LCOR: variants seen among roughly 807,000 people sequenced by gnomAD.
The protein encoded by LCOR is ligand-dependent corepressor.
LCOR carries 14 observed loss-of-function variants against 64.4 expected under a neutral mutation model. The ratio of observed to expected loss-of-function variants is 0.22; its 90% confidence interval spans 0.14 to 0.34. The LOEUF (loss-of-function observed/expected upper bound fraction) is 0.34. Ranked by LOEUF, LCOR falls within the 10% of genes least tolerant of loss-of-function variation. LCOR has a pLI of 1.00. For synonymous variants in LCOR, 643 were observed against 642.5 expected, an observed-to-expected ratio of 1.00 and a Z score of -0.01; for missense variants, 1,686 against 1,765.3, an observed-to-expected ratio of 0.96 and a Z score of 0.80.
rs754556505 is a variant in LCOR, at chr10:96,858,404, A to C, written c.-330+24925A>C. On this transcript the variant is annotated intron_variant, in intron 2 of 7. Transcript: ENST00000421806. Reference sequence around the variant, plus strand: ...GAGGTGGCCAGCAGGCAGAAAAAGAAGACCTTTAGATTGTGAGTATAAAAT... The same window carrying C: ...GAGGTGGCCAGCAGGCAGAAAAAGACGACCTTTAGATTGTGAGTATAAAAT... Among the ~76,000 whole-genome samples, 29 of 152,228 alleles carry C rather than the reference A, an allele frequency of 1.9e-4. 1 individual carries two copies. The highest frequency in any genetic ancestry group is 3.7e-4 in the Non-Finnish European group (25 of 68,044).
intron 2 of LCOR, among the ~76,000 whole-genome samples, chr10:96,889,926 G>A (rs1475284528): frequency 6.6e-6 from 1 of 152,058 alleles, no homozygotes; most frequent in Non-Finnish European, 1.5e-5. Context: ...TATATACTTA[G>A]GAGTGGAATG....
intron 2 of LCOR, among the ~76,000 whole-genome samples, chr10:96,837,857 T>C (rs1036182343): frequency 2.0e-5 from 3 of 152,244 alleles, no homozygotes; most frequent in Non-Finnish European, 2.9e-5. Context: ...TTTGTTTCGA[T>C]GTGCCTCTGA....
rs565238155 is a variant in LCOR, at chr10:96,980,670, G to C, written c.333-123G>C. ...GAGATCAGCCTGGCCAACATAGCGA[G>C]ACCCTGTATCTACAAAAAATAAATA... is the stretch of plus-strand genomic sequence containing the variant. On this transcript the variant is annotated intron_variant, in intron 7 of 7. Coordinates refer to ENST00000421806, the MANE Select transcript of LCOR (RefSeq NM_001346516.2). 3 of 585,430 alleles carry C rather than the reference G, an allele frequency of 5.1e-6. No individual in the cohort carries two copies. In the African/African-American group the frequency reaches 5.6e-5, roughly 11 times the overall value. 36.3% of individuals were successfully genotyped at this position (585,430 alleles called of 1,614,324 possible). A position where few individuals can be genotyped will look rare whatever the true frequency, so the allele number is the denominator to read the frequency against.
At position 96,983,236 on chromosome 10, in the gene LCOR, G is replaced by A. The variant is rs374660964; in HGVS notation, c.2776G>A (p.Glu926Lys). 31 of 1,614,054 alleles carry A rather than the reference G, an allele frequency of 1.9e-5. No individual in the cohort carries two copies. Among genetic ancestry groups the A allele is most frequent in the African/African-American group, 8.0e-5 (6 of 74,916 alleles). The change falls in exon 8 of 8, where the codon GAG (glutamate) becomes AAG (lysine). Residue 926 changes from glutamate to lysine, a missense_variant. Coordinates refer to ENST00000421806, the MANE Select transcript of LCOR (RefSeq NM_001346516.2). This position sits in a 1 kb window ranked among gnomAD's most constrained non-coding sequence, Gnocchi z 4.5. Reference sequence around the variant, plus strand: ...CAAAGAAGTCAAGGAGTTACGAGGAGAGATTTTCCCCAGCAGGGACCCCAT... The same window carrying A: ...CAAAGAAGTCAAGGAGTTACGAGGAAAGATTTTCCCCAGCAGGGACCCCAT... The part of the protein sequence containing the change: ...LDKEVKELRG[E>K]IFPSRDPITT...
At position 96,952,124 on chromosome 10, in the gene LCOR, C is replaced by A. The variant is rs1847690688; in HGVS notation, c.260C>A (p.Thr87Asn). ...GCAGACGGTGTACTTGATCTGTCCA[C>A]TAAGAAAAGTCCATGTGCTGGCAGC... ...SEQDGVLDLS[T>N]KKSPCAGSTS... Residue 87 changes from threonine to asparagine, a missense_variant, in exon 7 of 8, where the codon ACT becomes AAT. This residue lies in a region of LCOR where 80 missense variants were observed against 107.7 expected (regional missense o/e 0.74). Coordinates refer to ENST00000421806, the MANE Select transcript of LCOR (RefSeq NM_001346516.2). 4.3e-6 allele frequency: 7 copies of A among 1,613,956 alleles called. No individual in the cohort carries two copies. The highest frequency in any genetic ancestry group is 5.9e-6 in the Non-Finnish European group (7 of 1,179,866).
At chr10:96,839,036 T>C (rs945654369) in intron 2 of LCOR, among the ~76,000 whole-genome samples, 2 of 152,212 alleles carry the variant, frequency 1.3e-5, no homozygotes, top group African/African-American at 2.4e-5. Flanking sequence ...TATGAAGTCG[T>C]ATTTCAAAAA....
chr10:96,934,116 A>G (rs926845014), intron 4 of LCOR, among the ~76,000 whole-genome samples: 3 of 152,270 alleles, frequency 2.0e-5, no homozygotes, highest in African/African-American at 7.2e-5. Context: ...TAGGAAAATA[A>G]TAAAGTTATC....
chr10:96,895,906 G>A (rs1033947668), intron 2 of LCOR, among the ~76,000 whole-genome samples: 6 of 152,144 alleles, frequency 3.9e-5, no homozygotes, highest in African/African-American at 1.4e-4. Context: ...AACATAGCAA[G>A]ACTCTGTCTG....
chr10:96,846,040 C>G (rs1485378785), intron 2 of LCOR, among the ~76,000 whole-genome samples: 1 of 151,982 alleles, frequency 6.6e-6, no homozygotes, highest in Admixed American at 6.6e-5. Flanking sequence ...AACCCCATCT[C>G]TACTGAAAAT....
chr10:96,936,980 A>C (rs1247590137), intron 4 of LCOR, among the ~76,000 whole-genome samples: 1 of 152,246 alleles, frequency 6.6e-6, no homozygotes, highest in Non-Finnish European at 1.5e-5. Flanking sequence ...TTTTCTCAAA[A>C]TATTTTATTG....
intron 7 of LCOR, among the ~76,000 whole-genome samples, chr10:96,972,142 A>C (rs1564643611): frequency 6.6e-6 from 1 of 152,098 alleles, no homozygotes; most frequent in South Asian, 2.1e-4. Flanking sequence ...AAAAATACTT[A>C]AAAAAATAAA....
chr10:96,868,241 C>T (rs192660986), intron 2 of LCOR, among the ~76,000 whole-genome samples: 2 of 151,304 alleles, frequency 1.3e-5, no homozygotes, highest in African/African-American at 4.8e-5. Context: ...TCCAGTATGC[C>T]ATAAGGAGTG....
chr10:96,921,010 C>T (rs1847071692), intron 4 of LCOR, among the ~76,000 whole-genome samples: 1 of 151,948 alleles, frequency 6.6e-6, no homozygotes, highest in Admixed American at 6.6e-5. Context: ...GTTGCCCAGG[C>T]TGGTCTTGAA....
intron 2 of LCOR, among the ~76,000 whole-genome samples, chr10:96,870,612 C>T (rs1303237911): frequency 6.6e-6 from 1 of 152,150 alleles, no homozygotes; most frequent in East Asian, 1.9e-4. Flanking sequence ...ACGTCATCCT[C>T]GAATATTAAA....
intron 4 of LCOR, among the ~76,000 whole-genome samples, chr10:96,920,640 ATG>A (rs1281932207): frequency 2.1e-5 from 3 of 141,452 alleles, no homozygotes; most frequent in African/African-American, 5.6e-5. Flanking sequence ...ACATTCATAT[ATG>A]TGTATATATG....
Position 96,984,484 on chromosome 10 carries a change from A to G in LCOR, c.4024A>G (p.Ser1342Gly). Residue 1342 changes from serine (S) to glycine (G), a missense_variant, in exon 8 of 8, where the codon AGT becomes GGT. Ser to Gly is a moderately conservative substitution (Grantham distance 56). Around this residue, in one of 3 missense-constraint regions of LCOR, gnomAD observed 1,293 missense variants for 1,410.4 expected, o/e 0.92. Coordinates refer to ENST00000421806, the MANE Select transcript of LCOR (RefSeq NM_001346516.2). Reference protein sequence around the residue: ...MECPDALAVESKPSRKSVCIN... With the variant: ...MECPDALAVEGKPSRKSVCIN... The stretch of plus-strand genomic sequence containing the variant: ...ATGCCCAGATGCTCTGGCTGTGGAA[A>G]GTAAGCCAAGTCGTAAGAGCGTATG... 6.2e-7 allele frequency: 1 copy of G among 1,614,254 alleles called. No homozygotes were observed. Among genetic ancestry groups the G allele is most frequent in the Admixed American group, 1.7e-5 (1 of 60,034 alleles).
chr10:96,995,855 A>G lies in LCOR; in HGVS notation c.*10721A>G, dbSNP rs1848238031. On this transcript the variant is annotated 3_prime_UTR_variant, in exon 8 of 8. Transcript: ENST00000421806. This position sits in a 1 kb window ranked among gnomAD's most constrained non-coding sequence, Gnocchi z 4.2. ...GTTTTGAAGGATGCGGTGTGGAGCC[A>G]GAGGATGTGTGGGAGGGGTTTCTCT... is the stretch of plus-strand genomic sequence containing the variant. 6.6e-6 allele frequency: 1 copy of G among 152,202 alleles called. No homozygotes were observed. Among genetic ancestry groups the G allele is most frequent in the Non-Finnish European group, 1.5e-5 (1 of 68,034 alleles). 9.4% of individuals were successfully genotyped at this position (152,202 alleles called of 1,614,324 possible). A position where few individuals can be genotyped will look rare whatever the true frequency, so the allele number is the denominator to read the frequency against.
At chr10:96,956,071 T>G (rs1370862555) in intron 7 of LCOR, 1 of 1,442,656 alleles carries the variant, frequency 6.9e-7, no homozygotes, top group Non-Finnish European at 9.1e-7. Context: ...AGATGAAATG[T>G]GCATTCTGAA....
chr10:96,870,994 T>C (rs1035673857), intron 2 of LCOR, among the ~76,000 whole-genome samples: 1 of 152,158 alleles, frequency 6.6e-6, no homozygotes, highest in African/African-American at 2.4e-5. Flanking sequence ...CATATTGAGC[T>C]CCCGAAGTAC....
Sources: gnomAD v4.1 joint callset for allele counts (sites outside exome capture counted in the v4.1 genomes callset) on GRCh38, gnomAD v4.1.1 for gene constraint, gnomAD v4.1.1 regional missense constraint, Gnocchi (gnomAD v3.1) non-coding constraint, MANE v1.5 for transcripts, NCBI Gene and HGNC (gene_info 2026-07-23, HGNC 2026-07-21) for gene names.